Variants in COL11A1 observed in about 807,000 individuals in gnomAD.
COL11A1 encodes collagen alpha-1(XI) chain.
Under a neutral mutation model 265.2 loss-of-function variants are expected in COL11A1, and 74 were observed. The observed-to-expected ratio is 0.28, with a 90% confidence interval of 0.23 to 0.34. COL11A1 has a LOEUF of 0.34. Ranked by LOEUF, COL11A1 falls within the 10% of genes least tolerant of loss-of-function variation. The pLI, the probability that COL11A1 is intolerant of heterozygous loss-of-function variation, is 1.00. For missense variants in COL11A1, 2,165 were observed against 2,263.6 expected (o/e 0.96, Z 0.88); for synonymous variants, 816 against 727.6 (o/e 1.12, Z -1.96).
intron 4 of COL11A1, among the ~76,000 whole-genome samples, chr1:103,050,224 A>C (rs997168379): frequency 6.6e-6 from 1 of 152,296 alleles, no homozygotes; most frequent in East Asian, 1.9e-4. Flanking sequence ...TCTCCCCGTC[A>C]CTTTCAGGTA....
chr1:102,978,920 A>G lies in COL11A1; in HGVS notation c.2656-7T>C. The G allele has an allele frequency of 6.2e-7, 1 of 1,614,202 alleles. No individual in the cohort carries two copies. Among genetic ancestry groups the G allele is most frequent in the Non-Finnish European group, 8.5e-7 (1 of 1,180,020 alleles). ...CTCTTGAACCTCGAGGACCCTGCAG[A>G]TGAGAACAAAAGATGAACCCAAACT... On this transcript the variant is annotated splice_polypyrimidine_tract_variant and splice_region_variant and intron_variant, in intron 33 of 66. Coordinates refer to ENST00000370096, the MANE Select transcript of COL11A1 (RefSeq NM_001854.4).
At chr1:102,994,084 A>G (rs1006347415) in intron 28 of COL11A1, among the ~76,000 whole-genome samples, 1 of 152,306 alleles carries the variant, frequency 6.6e-6, no homozygotes, top group South Asian at 2.1e-4. Context: ...TTTTCCAGAT[A>G]AAGTATAATG....
chr1:102,979,384 G>C lies in COL11A1; in HGVS notation c.2608C>G (p.Arg870Gly), dbSNP rs778379327. The change falls in exon 32 of 67, where the codon CGG becomes GGG. Residue 870 changes from arginine (R) to glycine (G), a missense_variant and splice_region_variant. Transcript: ENST00000370096. Reference protein sequence around the residue: ...FPGANGEKGARGVAGKPGPRG... With the variant: ...FPGANGEKGAGGVAGKPGPRG... Reference sequence around the variant, plus strand: ...CAAAACATATTTATATATCATACCCGTGCACCTTTCTCTCCATTGGCACCT... The same window carrying C: ...CAAAACATATTTATATATCATACCCCTGCACCTTTCTCTCCATTGGCACCT... 6.2e-7 allele frequency: 1 copy of C among 1,606,198 alleles called. No homozygotes were observed. The highest frequency in any genetic ancestry group is 1.7e-5 in the Admixed American group (1 of 59,930).
At chr1:102,889,672 C>G in intron 58 of COL11A1, 110 bp from the exon 59 acceptor site, 1 of 792,844 alleles carries the variant, frequency 1.3e-6, no homozygotes, top group Non-Finnish European at 2.1e-6. Context: ...ATGAACAATG[C>G]TGATAAAACA....
chr1:102,924,233 A>C (rs1408483004), intron 46 of COL11A1, among the ~76,000 whole-genome samples: 2 of 152,064 alleles, frequency 1.3e-5, no homozygotes, highest in East Asian at 1.9e-4. Flanking sequence ...AAAGACAAAA[A>C]AATTCTTTCA....
intron 42 of COL11A1, among the ~76,000 whole-genome samples, chr1:102,946,420 C>G (rs558391764): frequency 2.6e-5 from 4 of 152,092 alleles, no homozygotes; most frequent in Non-Finnish European, 5.9e-5. Context: ...GATCGGAGCT[C>G]AGATTACATG....
intron 35 of COL11A1, among the ~76,000 whole-genome samples, 154 bp from the exon 36 acceptor site, chr1:102,975,037 G>A (rs574313517): frequency 1.3e-5 from 2 of 152,266 alleles, no homozygotes; most frequent in Admixed American, 1.3e-4. Flanking sequence ...GATAGTAAGT[G>A]CTAATCTAAA....
intron 41 of COL11A1, among the ~76,000 whole-genome samples, chr1:102,961,565 T>TTCCGTGACTA (rs1557875463): frequency 1.3e-5 from 2 of 152,240 alleles, no homozygotes; most frequent in Admixed American, 1.3e-4. Flanking sequence ...TCTCCAGGCA[T>TTCCGTGACTA]TCCGTGACTA....
intron 54 of COL11A1, among the ~76,000 whole-genome samples, chr1:102,901,909 T>C (rs922702617): frequency 6.6e-6 from 1 of 152,092 alleles, no homozygotes; most frequent in African/African-American, 2.4e-5. Flanking sequence ...TAAAATCAAA[T>C]CCCTAAGAAA....
intron 14 of COL11A1, among the ~76,000 whole-genome samples, chr1:103,011,220 C>G (rs1290277395): frequency 6.6e-6 from 1 of 152,044 alleles, no homozygotes; most frequent in Non-Finnish European, 1.5e-5. Flanking sequence ...ATACTACTTA[C>G]TTTCCTGTTA....
chr1:103,064,542 T>A (rs2102219329), intron 4 of COL11A1, among the ~76,000 whole-genome samples: 1 of 151,228 alleles, frequency 6.6e-6, no homozygotes, highest in African/African-American at 2.4e-5. Flanking sequence ...ACAAAAAAAA[T>A]TAGCCAGGCG....
At chr1:102,984,083 G>A (rs1383139376) in intron 31 of COL11A1, 55 bp downstream of exon 31, 1 of 1,182,700 alleles carries the variant, frequency 8.5e-7, no homozygotes, top group Non-Finnish European at 1.3e-6. Flanking sequence ...AATCATAAGT[G>A]ATTAATATTA....
At chr1:102,931,527 T>C (rs892043914) in intron 46 of COL11A1, among the ~76,000 whole-genome samples, 4 of 152,224 alleles carry the variant, frequency 2.6e-5, no homozygotes, top group African/African-American at 7.2e-5. Context: ...GTGGTCAATT[T>C]TGGAATAGGT....
intron 26 of COL11A1, 59 bp from the exon 27 acceptor site, chr1:102,996,101 A>G (rs1368046975): frequency 1.9e-6 from 3 of 1,539,704 alleles, no homozygotes; most frequent in Admixed American, 1.7e-5. Context: ...ACTCATTTAC[A>G]TACTATAATT....
At chr1:103,016,567 G>A (rs921517518) in intron 11 of COL11A1, among the ~76,000 whole-genome samples, 6 of 151,836 alleles carry the variant, frequency 4.0e-5, no homozygotes, top group Non-Finnish European at 7.4e-5. Context: ...AGGGAAGCAA[G>A]TAAATTCAAA....
intron 18 of COL11A1, 139 bp from the exon 19 acceptor site, chr1:103,004,800 T>G: frequency 1.5e-6 from 1 of 655,522 alleles, no homozygotes; most frequent in South Asian, 2.3e-5. Context: ...CTCAAAAAAT[T>G]TTGCAGATAA....
At chr1:102,904,968 C>A (rs1304392059) in intron 54 of COL11A1, among the ~76,000 whole-genome samples, 3 of 151,900 alleles carry the variant, frequency 2.0e-5, no homozygotes, top group Non-Finnish European at 4.4e-5. Flanking sequence ...GACTTGGAAC[C>A]AACCTAAATG....
At chr1:103,047,111 A>T (rs184591950) in intron 4 of COL11A1, among the ~76,000 whole-genome samples, 1 of 152,244 alleles carries the variant, frequency 6.6e-6, no homozygotes, top group Admixed American at 6.5e-5. Context: ...TTCCATATGA[A>T]CTTTAAAGTA....
At chr1:102,897,175 TTGTTAAAAGG>T (rs1652531344) in intron 57 of COL11A1, among the ~76,000 whole-genome samples, 1 of 152,038 alleles carries the variant, frequency 6.6e-6, no homozygotes, top group Non-Finnish European at 1.5e-5. Context: ...TGTGGCATCT[TTGTTAAAAGG>T]AATAACCAAA....
Sources: allele counts gnomAD v4.1 joint callset (sites outside exome capture counted in the v4.1 genomes callset), GRCh38; gene constraint gnomAD v4.1.1; transcripts MANE v1.5; gene names NCBI Gene and HGNC (gene_info 2026-07-23, HGNC 2026-07-21).